The following XPO5 variants were observed in gnomAD, a reference collection of about 807,000 sequenced individuals.
XPO5 encodes exportin-5.
A neutral mutation model predicts 160.6 loss-of-function variants in XPO5; 46 were observed. The ratio of observed to expected loss-of-function variants is 0.29; its 90% CI spans 0.23 to 0.37. The LOEUF is 0.37. Among genes scored for constraint, XPO5 ranks in the 10% least tolerant of loss-of-function variants. The pLI is 1.00. For synonymous variants in XPO5, 537 were observed against 519.3 expected, an observed-to-expected ratio of 1.03 and a Z score of -0.46; for missense variants, 1,090 against 1,463.9, an observed-to-expected ratio of 0.74 and a Z score of 4.17.
At chr6:43,565,341 T>C (rs985060304) in intron 8 of XPO5, among the ~76,000 whole-genome samples, 1 of 151,546 alleles carries the variant, frequency 6.6e-6, no homozygotes, top group Non-Finnish European at 1.5e-5. Flanking sequence ...CTGAGGCAGG[T>C]AGACCACCTG....
chr6:43,527,124 T>C (rs1253342884), intron 26 of XPO5: 13 of 239,764 alleles, frequency 5.4e-5, no homozygotes, highest in Admixed American at 4.0e-4. Context: ...TTGACAAAAC[T>C]AGGAAGTTAT....
chr6:43,573,823 A>ATATT (rs1491529922), intron 1 of XPO5, among the ~76,000 whole-genome samples: 5 of 126,146 alleles, frequency 4.0e-5, no homozygotes, highest in East Asian at 2.2e-4. Flanking sequence ...ATATATATAT[A>ATATT]TTTTTTTTTT....
chr6:43,522,968 T>C lies in XPO5; in HGVS notation c.*900A>G. On this transcript the variant is annotated 3_prime_UTR_variant, in exon 32 of 32. Coordinates refer to ENST00000265351, the MANE Select transcript of XPO5 (RefSeq NM_020750.3). Reference sequence around the variant, plus strand: ...ACCAGGGACCTGAAAGACCATGAGATTGTGGAAGGCACCTGGACTTAGTCC... The same window carrying C: ...ACCAGGGACCTGAAAGACCATGAGACTGTGGAAGGCACCTGGACTTAGTCC... 1 of 176,958 alleles carries C rather than the reference T, an allele frequency of 5.7e-6. No homozygotes were observed. The highest frequency in any genetic ancestry group is 1.2e-5 in the Non-Finnish European group (1 of 80,766). 11.0% of individuals were successfully genotyped at this position (176,958 alleles called of 1,614,324 possible). A position where few individuals can be genotyped will look rare whatever the true frequency, so the allele number is the denominator to read the frequency against.
intron 28 of XPO5, 78 bp downstream of exon 28, chr6:43,525,761 C>G (rs942520963): frequency 1.4e-6 from 2 of 1,456,388 alleles, no homozygotes; most frequent in Non-Finnish European, 1.9e-6. Flanking sequence ...CTCTTGATAG[C>G]ACCATAGAGC....
At chr6:43,543,733 TC>T (rs1451645556) in intron 20 of XPO5, among the ~76,000 whole-genome samples, 10 of 152,056 alleles carry the variant, frequency 6.6e-5, no homozygotes, top group African/African-American at 2.2e-4. Context: ...GGAAGACTCT[TC>T]CCTGTGATCT....
chr6:43,530,928 G>T, intron 22 of XPO5, 104 bp from the exon 23 acceptor site: 1 of 1,384,376 alleles, frequency 7.2e-7, no homozygotes, highest in Non-Finnish European at 9.6e-7. Context: ...AGGTTTTTCA[G>T]CCAGAAGAGC....
intron 10 of XPO5, 60 bp downstream of exon 10, chr6:43,560,864 C>T (rs977197311): frequency 2.3e-6 from 3 of 1,303,402 alleles, no homozygotes; most frequent in Non-Finnish European, 3.3e-6. Context: ...TTTCAGGACA[C>T]AGTGCTTGAC....
intron 8 of XPO5, among the ~76,000 whole-genome samples, chr6:43,564,272 A>G (rs1338234049): frequency 1.3e-5 from 2 of 152,162 alleles, no homozygotes; most frequent in Admixed American, 1.3e-4. Context: ...GCTCATGCCT[A>G]TAATCCCAGT....
chr6:43,561,105 A>G, intron 9 of XPO5, 98 bp from the exon 10 acceptor site: 1 of 1,042,548 alleles, frequency 9.6e-7, no homozygotes, highest in Non-Finnish European at 1.5e-6. Context: ...AACCCTCAAA[A>G]AATGTTGTTT....
chr6:43,571,845 C>T (rs1211711228), intron 3 of XPO5, among the ~76,000 whole-genome samples: 1 of 151,618 alleles, frequency 6.6e-6, no homozygotes, highest in Non-Finnish European at 1.5e-5. Context: ...GAAACAAATT[C>T]ATTCTGCATA....
At position 43,528,690 on chromosome 6, in the gene XPO5, G is replaced by C. The variant is rs1406111621; in HGVS notation, c.2775+138C>G. The C allele has an allele frequency of 9.0e-6, 7 of 775,074 alleles. No individual in the cohort carries two copies. In the South Asian group the frequency reaches 9.5e-5, roughly 11 times the overall value. 48.0% of individuals were successfully genotyped at this position (775,074 alleles called of 1,614,324 possible). A position where few individuals can be genotyped will look rare whatever the true frequency, so the allele number is the denominator to read the frequency against. ...CTCGATCCTACAGCAAGGATAGTCA[G>C]CTGGGGTAGAAGCTCTGCCCAGCCA... On this transcript the variant is annotated intron_variant, in intron 24 of 31. Coordinates refer to ENST00000265351, the MANE Select transcript of XPO5 (RefSeq NM_020750.3).
intron 13 of XPO5, among the ~76,000 whole-genome samples, chr6:43,554,806 C>T (rs1225873585): frequency 2.6e-5 from 4 of 152,172 alleles, no homozygotes; most frequent in Non-Finnish European, 4.4e-5. Context: ...ATTTGGGCTT[C>T]CTCAACCTTT....
intron 23 of XPO5, 46 bp from the exon 24 acceptor site, chr6:43,528,971 T>G: frequency 2.5e-5 from 38 of 1,549,000 alleles, no homozygotes; most frequent in Non-Finnish European, 3.0e-5. Flanking sequence ...CACACATCTC[T>G]CACCTGCCAG....
At chr6:43,548,562 G>A (rs1026111375) in intron 17 of XPO5, 102 bp from the exon 18 acceptor site, 2 of 1,081,734 alleles carry the variant, frequency 1.8e-6, no homozygotes, top group African/African-American at 3.2e-5. Flanking sequence ...GCAGTCCCAG[G>A]AAAGTCAGGC....
At chr6:43,550,238 T>A (rs893590390) in intron 15 of XPO5, among the ~76,000 whole-genome samples, 1 of 152,224 alleles carries the variant, frequency 6.6e-6, no homozygotes, top group Non-Finnish European at 1.5e-5. Context: ...TATCAAAAGT[T>A]GTATGGTCTA....
Position 43,570,692 on chromosome 6 carries a change from A to G in XPO5, c.439-8T>C, listed in dbSNP as rs766517734. 6.3e-7 allele frequency: 1 copy of G among 1,594,292 alleles called. No homozygotes were observed. Among genetic ancestry groups the G allele is most frequent in the Non-Finnish European group, 8.5e-7 (1 of 1,171,742 alleles). On this transcript the variant is annotated splice_region_variant and splice_polypyrimidine_tract_variant and intron_variant, in intron 4 of 31. Coordinates refer to ENST00000265351, the MANE Select transcript of XPO5 (RefSeq NM_020750.3). ...CAATTCTGTCTGTGTTTCCTACACC[A>G]ATAGAAATAAGCTAGTTAAAAACTA... is the stretch of plus-strand genomic sequence containing the variant.
At chr6:43,526,578 G>T in intron 27 of XPO5, 107 bp downstream of exon 27, 1 of 1,247,840 alleles carries the variant, frequency 8.0e-7, no homozygotes, top group Non-Finnish European at 1.2e-6. Flanking sequence ...ATAACTACAT[G>T]TAGGGTGTCT....
intron 6 of XPO5, among the ~76,000 whole-genome samples, chr6:43,568,134 C>A (rs546833209): frequency 6.6e-6 from 1 of 151,546 alleles, no homozygotes; most frequent in Non-Finnish European, 1.5e-5. Context: ...TGGTGAAACC[C>A]CGTCTCTACT....
intron 23 of XPO5, chr6:43,529,167 G>C: frequency 6.8e-7 from 1 of 1,471,178 alleles, no homozygotes; most frequent in Non-Finnish European, 9.2e-7. Flanking sequence ...ATGGTCACTG[G>C]CCCAAAAAGT....
Sources: allele counts gnomAD v4.1 joint callset (sites outside exome capture counted in the v4.1 genomes callset), GRCh38; gene constraint gnomAD v4.1.1; transcripts MANE v1.5; gene names NCBI Gene and HGNC (gene_info 2026-07-23, HGNC 2026-07-21).